The following KLF7 variants were observed in gnomAD, a reference collection of about 807,000 sequenced individuals.
KLF7 encodes KLF transcription factor 7.
Under a neutral mutation model 27.3 loss-of-function variants are expected in KLF7, and 2 were observed. The observed-to-expected ratio is 0.07, with a 90% CI of 0.03 to 0.23. KLF7 has a LOEUF of 0.23. Among genes scored for constraint, KLF7 ranks in the 10% least tolerant of loss-of-function variants. The pLI, the probability that KLF7 is intolerant of heterozygous loss-of-function variation, is 1.00. For missense variants in KLF7, 221 were observed against 394.1 expected (o/e 0.56, Z 3.72); for synonymous variants, 165 against 162.4 (o/e 1.02, Z -0.12).
chr2:207,115,171 T>G, intron 2 of KLF7, among the ~76,000 whole-genome samples: 1 of 150,004 alleles, frequency 6.7e-6, no homozygotes, highest in African/African-American at 2.5e-5. Context: ...AAAAAAGATG[T>G]CAGTTGCAAA....
chr2:207,096,595 G>C lies in KLF7; in HGVS notation c.734-8014C>G, dbSNP rs192030378. 1.0e-3 allele frequency among the ~76,000 whole-genome samples: 158 copies of C among 152,234 alleles called. 4 individuals carry two copies. The highest frequency in any genetic ancestry group is 0.01 in the Admixed American group (157 of 15,294). On this transcript the variant is annotated intron_variant, in intron 2 of 3. Transcript: ENST00000309446. The stretch of plus-strand genomic sequence containing the variant: ...AAGGCCCTGGGAGCAGAAGCAGCTT[G>C]GTGCTTTTCAGAAACAGTCATAAAA...
chr2:207,166,300 G>C, upstream of KLF7: 1 of 451,540 alleles, frequency 2.2e-6, no homozygotes, highest in Non-Finnish European at 2.9e-6. Flanking sequence ...GGCACGCTGC[G>C]GATCTCCCTG....
At position 207,095,915 on chromosome 2, in the gene KLF7, TTAAC is replaced by T. The variant is rs576992528; in HGVS notation, c.734-7338_734-7335del. ...TATTAAAATTAATTTTACCTTTTAT[TTAAC>T]TTTTTTAAAAATGAGATTACTAGAA... On this transcript the variant is annotated intron_variant, in intron 2 of 3. Transcript: ENST00000309446. 5.9e-3 allele frequency among the ~76,000 whole-genome samples: 904 copies of T among 152,354 alleles called. 6 individuals are homozygous for T. Among genetic ancestry groups the T allele is most frequent in the African/African-American group, 0.021 (866 of 41,586 alleles).
At chr2:207,104,798 C>A (rs2076843559) in intron 2 of KLF7, among the ~76,000 whole-genome samples, 1 of 152,230 alleles carries the variant, frequency 6.6e-6, no homozygotes, top group Non-Finnish European at 1.5e-5. Flanking sequence ...AATCAATGCT[C>A]ATATTCCCTT....
intron 2 of KLF7, among the ~76,000 whole-genome samples, chr2:207,102,458 GT>G (rs1310874564): frequency 6.6e-6 from 1 of 152,154 alleles, no homozygotes; most frequent in Admixed American, 6.5e-5. Flanking sequence ...TTGTGCTTAA[GT>G]TATTAATTTC....
chr2:207,124,361 C>T lies in KLF7; in HGVS notation c.146G>A (p.Arg49Lys), dbSNP rs2077423316. Residue 49 changes from arginine to lysine, a missense_variant, in exon 2 of 4, where the codon AGG (arginine) becomes AAG (lysine). This residue lies in a region of KLF7 where 180 missense variants were observed against 227.9 expected (regional missense o/e 0.79). Coordinates refer to ENST00000309446, the MANE Select transcript of KLF7 (RefSeq NM_003709.4). ...LERYLQTEPR[R>K]ISETFGEDLD... ...GTCCTCACCAAAGGTCTCTGAGATC[C>T]TCCGGGGCTCCGTCTGTAGGTAGCG... 1 of 1,588,102 alleles carries T rather than the reference C, an allele frequency of 6.3e-7. No homozygotes were observed. The highest frequency in any genetic ancestry group is 1.7e-5 in the Admixed American group (1 of 58,690).
intron 2 of KLF7, among the ~76,000 whole-genome samples, chr2:207,093,740 T>A (rs554317754): frequency 1.3e-5 from 2 of 152,312 alleles, no homozygotes; most frequent in South Asian, 4.1e-4. Flanking sequence ...TAACAAAGCA[T>A]CCTGATTTGC....
At chr2:207,126,728 G>A (rs1359728151) in intron 1 of KLF7, among the ~76,000 whole-genome samples, 6 of 151,984 alleles carry the variant, frequency 3.9e-5, no homozygotes, top group South Asian at 2.1e-4. Flanking sequence ...ACTTAAGCCC[G>A]GGAGTTCAAG....
upstream of KLF7, among the ~76,000 whole-genome samples, chr2:207,170,464 A>G (rs2078777244): frequency 6.6e-6 from 1 of 152,198 alleles, no homozygotes; most frequent in Non-Finnish European, 1.5e-5. Flanking sequence ...CTGAGCTAAA[A>G]TCATTGATAA....
At chr2:207,112,636 G>A (rs1174222194) in intron 2 of KLF7, among the ~76,000 whole-genome samples, 2 of 152,120 alleles carry the variant, frequency 1.3e-5, no homozygotes, top group Admixed American at 6.5e-5. Context: ...CCTCTTCAAG[G>A]GGCCCCAATT....
At chr2:207,155,128 T>C (rs2078347286) in intron 1 of KLF7, among the ~76,000 whole-genome samples, 1 of 152,200 alleles carries the variant, frequency 6.6e-6, no homozygotes, top group Non-Finnish European at 1.5e-5. Flanking sequence ...AGCCATTCAA[T>C]ACCTCAAATC....
intron 2 of KLF7, among the ~76,000 whole-genome samples, chr2:207,100,590 C>A (rs1559120697): frequency 6.6e-6 from 1 of 152,130 alleles, no homozygotes; most frequent in Non-Finnish European, 1.5e-5. Flanking sequence ...CCCTAGACAG[C>A]CCCCGCTCCC....
At chr2:207,152,527 C>T (rs1292039614) in intron 1 of KLF7, among the ~76,000 whole-genome samples, 1 of 152,186 alleles carries the variant, frequency 6.6e-6, no homozygotes, top group Non-Finnish European at 1.5e-5. Context: ...AAGGAATGAA[C>T]ATGCTCTAGA....
At chr2:207,130,745 A>G (rs1055758282) in intron 1 of KLF7, among the ~76,000 whole-genome samples, 1 of 152,248 alleles carries the variant, frequency 6.6e-6, no homozygotes, top group Non-Finnish European at 1.5e-5. Context: ...ATTTGAACAT[A>G]AGACAAAACC....
chr2:207,124,819 T>C (rs1202899509), intron 1 of KLF7, among the ~76,000 whole-genome samples: 4 of 152,170 alleles, frequency 2.6e-5, no homozygotes, highest in African/African-American at 9.7e-5. Flanking sequence ...GAGTCCAACT[T>C]CATTATTCAA....
At chr2:207,085,551 A>T (rs1420181720) in intron 3 of KLF7, among the ~76,000 whole-genome samples, 1 of 152,184 alleles carries the variant, frequency 6.6e-6, no homozygotes, top group Non-Finnish European at 1.5e-5. Flanking sequence ...AAATGGCACT[A>T]CTACTGTGCT....
Position 207,078,621 on chromosome 2 carries a change from C to A in KLF7, c.*2592G>T, listed in dbSNP as rs2076216119. The A allele has an allele frequency of 6.6e-6, 1 of 152,226 alleles. No homozygotes were observed. Among genetic ancestry groups the A allele is most frequent in the African/African-American group, 2.4e-5 (1 of 41,454 alleles). 9.4% of individuals were successfully genotyped at this position (152,226 alleles called of 1,614,324 possible). ...TGGTGGCCATGGCTTAATGCCATCA[C>A]TGGCGTGTGCGTGCATTCATGCTGG... On this transcript the variant is annotated 3_prime_UTR_variant, in exon 4 of 4. Transcript: ENST00000309446.
upstream of KLF7, among the ~76,000 whole-genome samples, chr2:207,168,177 T>A (rs1437256509): frequency 3.3e-5 from 5 of 152,206 alleles, no homozygotes; most frequent in African/African-American, 7.2e-5. Context: ...AGACCAACCA[T>A]ATAATTTGGT....
intron 1 of KLF7, among the ~76,000 whole-genome samples, chr2:207,159,377 G>A (rs905512548): frequency 3.3e-5 from 5 of 152,132 alleles, no homozygotes; most frequent in African/African-American, 1.2e-4. Flanking sequence ...GAACTATGTG[G>A]GTAATACAGA....
Sources: gnomAD v4.1 joint callset for allele counts (sites outside exome capture counted in the v4.1 genomes callset) on GRCh38, gnomAD v4.1.1 for gene constraint, gnomAD v4.1.1 regional missense constraint, MANE v1.5 for transcripts, NCBI Gene and HGNC (gene_info 2026-07-23, HGNC 2026-07-21) for gene names.